GTPBP4: variants seen among roughly 807,000 people sequenced by gnomAD.
GTPBP4 encodes the protein GTP binding protein 4, also known as GTP-binding protein 4.
A neutral mutation model predicts 81.7 loss-of-function variants in GTPBP4; 15 were observed. The ratio of observed to expected loss-of-function variants is 0.18; its 90% CI spans 0.12 to 0.28. The LOEUF is 0.28. Among genes scored for constraint, GTPBP4 ranks in the 10% least tolerant of loss-of-function variants. The pLI is 1.00. For missense variants in GTPBP4, 847 were observed against 793.8 expected, an observed-to-expected ratio of 1.07 and a Z score of -0.81; for synonymous variants, 272 against 274.6, an observed-to-expected ratio of 0.99 and a Z score of 0.09.
chr10:1,007,148 A>G lies in GTPBP4; in HGVS notation c.1113+20A>G. On this transcript the variant is annotated intron_variant, in intron 10 of 16. Transcript: ENST00000360803. ...GATAAGGTAAGACGGCCCCTGGGAC[A>G]GCCGTGGGCTCACAGTACTGTCAGC... 7.4e-7 allele frequency: 1 copy of G among 1,345,530 alleles called. No homozygotes were observed. The highest frequency in any genetic ancestry group is 1.1e-6 in the Non-Finnish European group (1 of 935,124). The allele number at this position is 1,345,530 out of a possible 1,614,324, so 83.3% of individuals were successfully genotyped here.
At chr10:1,007,487 C>T (rs1488942141) in intron 10 of GTPBP4, among the ~76,000 whole-genome samples, 1 of 152,206 alleles carries the variant, frequency 6.6e-6, no homozygotes, top group East Asian at 1.9e-4. Context: ...GTAATCCCAG[C>T]ACTTTGGGAG....
chr10:1,017,345 C>CA lies in GTPBP4; in HGVS notation c.*119dup. ...ACTGAAAAAGACAAAATAAGTAAAG[C>CA]ACTTGTTGCTTTGCTGAAAACTATG... On this transcript the variant is annotated 3_prime_UTR_variant, in exon 17 of 17. Transcript: ENST00000360803. 4 of 965,066 alleles carry CA rather than the reference C, an allele frequency of 4.1e-6. No individual in the cohort carries two copies. The highest frequency in any genetic ancestry group is 6.2e-6 in the Non-Finnish European group (4 of 640,814). The allele number at this position is 965,066 out of a possible 1,614,324, so 59.8% of individuals were successfully genotyped here.
intron 2 of GTPBP4, among the ~76,000 whole-genome samples, chr10:992,912 C>G (rs1414513071): frequency 6.6e-6 from 1 of 152,244 alleles, no homozygotes; most frequent in African/African-American, 2.4e-5. Context: ...GCTGTCTTCT[C>G]AGGCTTTCTG....
At chr10:995,805 G>A in intron 2 of GTPBP4, 124 bp from the exon 3 acceptor site, 1 of 629,540 alleles carries the variant, frequency 1.6e-6, no homozygotes, top group South Asian at 1.9e-5. Context: ...CCCCTGGCCA[G>A]GAGAGGGAAC....
chr10:993,767 G>A (rs1026151824), intron 2 of GTPBP4, among the ~76,000 whole-genome samples: 5 of 152,048 alleles, frequency 3.3e-5, no homozygotes, highest in African/African-American at 1.2e-4. Flanking sequence ...TTCTGTGACA[G>A]TACTTCATAT....
intron 16 of GTPBP4, among the ~76,000 whole-genome samples, chr10:1,016,563 T>C (rs1440212582): frequency 6.6e-6 from 1 of 152,242 alleles, no homozygotes; most frequent in African/African-American, 2.4e-5. Context: ...CTGTTAATAT[T>C]GGCATTGCCA....
intron 1 of GTPBP4, among the ~76,000 whole-genome samples, chr10:989,422 T>G (rs1393864544): frequency 6.6e-6 from 1 of 152,068 alleles, no homozygotes; most frequent in Non-Finnish European, 1.5e-5. Context: ...GCCCTAGTAT[T>G]AGGACTTTTA....
chr10:1,012,569 G>C lies in GTPBP4; in HGVS notation c.1449G>C (p.Leu483=). The C allele has an allele frequency of 6.2e-7, 1 of 1,613,884 alleles. No individual in the cohort carries two copies. Among genetic ancestry groups the C allele is most frequent in the South Asian group, 1.1e-5 (1 of 91,068 alleles). The stretch of plus-strand genomic sequence containing the variant: ...AAGAGATGCTGGAAATCCGACAGCT[G>C]GCAAAGCAAATTCGAGAGAAAAAGA... ...EDEEMLEIRQ[L]AKQIREKKKL... The change falls in exon 14 of 17, where the codon CTG becomes CTC. Residue 483 remains leucine, a synonymous_variant. Transcript: ENST00000360803.
intron 8 of GTPBP4, among the ~76,000 whole-genome samples, chr10:1,004,256 G>T (rs1831686117): frequency 6.6e-6 from 1 of 152,152 alleles, no homozygotes; most frequent in South Asian, 2.1e-4. Context: ...ACCCCAGAAT[G>T]GACTAGTCCA....
chr10:1,010,358 C>T (rs554648876), intron 12 of GTPBP4, 62 bp from the exon 13 acceptor site: 12 of 835,804 alleles, frequency 1.4e-5, no homozygotes, highest in African/African-American at 6.8e-5. Flanking sequence ...TCATTTTGCG[C>T]ACGTAGTACT....
intron 11 of GTPBP4, 57 bp from the exon 12 acceptor site, chr10:1,009,472 C>G: frequency 4.5e-6 from 5 of 1,100,522 alleles, no homozygotes; most frequent in South Asian, 3.7e-5. Flanking sequence ...AGGGGCAGAG[C>G]ATTTCTGGAT....
At chr10:1,016,874 CAG>C (rs1264974395) in intron 16 of GTPBP4, among the ~76,000 whole-genome samples, 199 bp from the exon 17 acceptor site, 2 of 148,618 alleles carry the variant, frequency 1.3e-5, no homozygotes, top group Non-Finnish European at 1.5e-5. Flanking sequence ...AGAGATGTAA[CAG>C]GGGTAACTGT....
chr10:1,007,338 G>T, intron 10 of GTPBP4: 1 of 495,662 alleles, frequency 2.0e-6, no homozygotes, highest in Non-Finnish European at 3.6e-6. Context: ...ACTGCATGAC[G>T]TGGTCACTGT....
intron 8 of GTPBP4, among the ~76,000 whole-genome samples, chr10:1,001,448 T>C (rs1028823171): frequency 6.6e-6 from 1 of 152,220 alleles, no homozygotes; most frequent in African/African-American, 2.4e-5. Flanking sequence ...GCCTGCTAGC[T>C]TTCTCCAAGA....
chr10:1,000,826 G>A lies in GTPBP4; in HGVS notation c.804G>A (p.Gln268=). 6.2e-7 allele frequency: 1 copy of A among 1,610,928 alleles called. No individual in the cohort carries two copies. ...AGTGTGGGCATGGGCTGAGGGAGCA[G>A]CTAGAACTCTTCCAGAACATCAGAC... ...SEQCGHGLRE[Q]LELFQNIRPL... The change falls in exon 7 of 17, where the codon CAG becomes CAA. Residue 268 remains glutamine, a synonymous_variant. Coordinates refer to ENST00000360803, the MANE Select transcript of GTPBP4 (RefSeq NM_012341.3).
chr10:1,008,855 C>A, intron 10 of GTPBP4, 103 bp from the exon 11 acceptor site: 1 of 864,264 alleles, frequency 1.2e-6, no homozygotes, highest in Non-Finnish European at 2.0e-6. Flanking sequence ...GTATGGTTTT[C>A]TGTTCCCCTT....
intron 5 of GTPBP4, 114 bp downstream of exon 5, chr10:997,422 T>G: frequency 1.3e-6 from 1 of 753,176 alleles, no homozygotes; most frequent in Non-Finnish European, 2.4e-6. Context: ...AACTGTATTC[T>G]GACTGCGTGG....
chr10:997,645 G>A (rs561054456), intron 5 of GTPBP4, among the ~76,000 whole-genome samples: 1 of 152,370 alleles, frequency 6.6e-6, no homozygotes, highest in South Asian at 2.1e-4. Flanking sequence ...TTTGAGACAT[G>A]TAAGTGCATT....
intron 8 of GTPBP4, 109 bp from the exon 9 acceptor site, chr10:1,005,709 C>T (rs1831717508): frequency 2.9e-6 from 2 of 683,772 alleles, no homozygotes; most frequent in African/African-American, 3.6e-5. Flanking sequence ...GACTTTGAAA[C>T]AACCACAGAT....
Sources: gnomAD v4.1 joint callset for allele counts (sites outside exome capture counted in the v4.1 genomes callset) on GRCh38, gnomAD v4.1.1 for gene constraint, MANE v1.5 for transcripts, NCBI Gene and HGNC (gene_info 2026-07-23, HGNC 2026-07-21) for gene names.